Variants in FBXO24 observed in about 807,000 individuals in gnomAD.
FBXO24 encodes the protein F-box protein 24.
A neutral mutation model predicts 63.5 loss-of-function variants in FBXO24; 30 were observed. The ratio of observed to expected loss-of-function variants is 0.47; its 90% confidence interval spans 0.35 to 0.64. The LOEUF is 0.64. FBXO24 is among the 30% of genes least tolerant of loss of function. The probability of loss-of-function intolerance (pLI) is 0.00; values close to 1 mark genes in which losing one functional copy is unlikely to be tolerated. For synonymous variants in FBXO24, 300 were observed against 305.0 expected (o/e 0.98, Z 0.17); for missense variants, 624 against 763.4 (o/e 0.82, Z 2.15).
intron 3 of FBXO24, 29 bp downstream of exon 3, chr7:100,590,386 C>T (rs1801958070): frequency 6.3e-7 from 1 of 1,583,112 alleles, no homozygotes; most frequent in Non-Finnish European, 8.6e-7. Flanking sequence ...CTCCCGTTCT[C>T]CTTGCCTCTG....
At chr7:100,587,296 T>A (rs1484303629) in intron 1 of FBXO24, among the ~76,000 whole-genome samples, 2 of 151,988 alleles carry the variant, frequency 1.3e-5, no homozygotes, top group Non-Finnish European at 2.9e-5. Context: ...TCCGTTCCCT[T>A]CCTCTTTTTA....
chr7:100,601,007 G>T lies in FBXO24; in HGVS notation c.*108G>T, dbSNP rs576069239. On this transcript the variant is annotated 3_prime_UTR_variant, in exon 10 of 10. Coordinates refer to ENST00000241071, the MANE Select transcript of FBXO24 (RefSeq NM_033506.3). ...GCGTGTGGGAAGGGGTTGCTAGGGG[G>T]TGGGGACGGCTAACCAGGGTAAGAA... The T allele has an allele frequency of 1.5e-5, 22 of 1,472,450 alleles. No individual in the cohort carries two copies. The Admixed American group carries it at 3.3e-4, about 22-fold the overall frequency. 91.2% of individuals were successfully genotyped at this position (1,472,450 alleles called of 1,614,324 possible).
intron 1 of FBXO24, among the ~76,000 whole-genome samples, chr7:100,587,052 A>C (rs1801793844): frequency 6.6e-6 from 1 of 152,192 alleles, no homozygotes; most frequent in Non-Finnish European, 1.5e-5. Context: ...ACGGGGTTTT[A>C]GAGGCTTAGA....
rs1484821398 is a variant in FBXO24, at chr7:100,594,775, A to T, written c.952+234A>T. Among the ~76,000 whole-genome samples the T allele has an allele frequency of 1.3e-5, 2 of 152,134 alleles. No homozygotes were observed. The highest frequency in any genetic ancestry group is 2.9e-5 in the Non-Finnish European group (2 of 68,008). ...AGACCAGCCTGGCCAACATGGCGAA[A>T]CCCCATCTCTACTAAAATACAAAAA... On this transcript the variant is annotated intron_variant, in intron 6 of 9. Transcript: ENST00000241071. This position sits in a 1 kb window ranked among gnomAD's most constrained non-coding sequence, Gnocchi z 4.2.
chr7:100,593,720 C>A (rs1802148917), intron 5 of FBXO24, among the ~76,000 whole-genome samples: 1 of 150,718 alleles, frequency 6.6e-6, no homozygotes, highest in Admixed American at 6.6e-5. Flanking sequence ...TCGCTTGAAC[C>A]CAGGAGGTGG....
At position 100,592,892 on chromosome 7, in the gene FBXO24, G is replaced by T; in HGVS notation, c.668G>T (p.Cys223Phe). The T allele has an allele frequency of 6.2e-7, 1 of 1,614,234 alleles. No individual in the cohort carries two copies. The highest frequency in any genetic ancestry group is 1.3e-5 in the African/African-American group (1 of 75,058). Residue 223 changes from cysteine (C) to phenylalanine (F), a missense_variant, in exon 5 of 10, where the codon TGT (cysteine) becomes TTT (phenylalanine). Around this residue, in one of 3 missense-constraint regions of FBXO24, gnomAD observed 391 missense variants for 469.1 expected, o/e 0.83. Coordinates refer to ENST00000241071, the MANE Select transcript of FBXO24 (RefSeq NM_033506.3). ...ACCACCAGCAGCCGGGCCTGTGACT[G>T]TGTTGAGGTCTATCTGCAGTCTAGT... ...VGTTSSRACD[C>F]VEVYLQSSGQ...
In FBXO24 at chr7:100,600,905, C is replaced by A. The variant is rs1430687487; in HGVS notation, c.*6C>A. On this transcript the variant is annotated 3_prime_UTR_variant, in exon 10 of 10. Transcript: ENST00000241071. The surrounding 1 kb of genome is among the most constrained non-coding windows in gnomAD (Gnocchi z 6.3). Reference sequence around the variant, plus strand: ...CCCCAGCCCCTGAGACCTAATCCCCCTCATGCTAGCCTAGTCCCTGGAGGA... The same window carrying A: ...CCCCAGCCCCTGAGACCTAATCCCCATCATGCTAGCCTAGTCCCTGGAGGA... 2 of 1,609,974 alleles carry A rather than the reference C, an allele frequency of 1.2e-6. No homozygotes were observed. The highest frequency in any genetic ancestry group is 3.3e-5 in the Admixed American group (2 of 59,774).
intron 1 of FBXO24, 144 bp from the exon 2 acceptor site, chr7:100,589,812 AGGAGATCGGGAGGAGTTATTT>A: frequency 6.6e-7 from 1 of 1,516,208 alleles, no homozygotes; most frequent in Non-Finnish European, 8.9e-7. Flanking sequence ...GATTGGCCGC[AGGAGATCGGGAGGAGTTATTT>A]GGAGAAGTTA....
Position 100,600,839 on chromosome 7 carries a change from C to T in FBXO24, c.1683C>T (p.Asp561=). Residue 561 remains aspartate, a synonymous_variant, in exon 10 of 10, where the codon GAC becomes GAT. Transcript: ENST00000241071. The surrounding 1 kb of genome is among the most constrained non-coding windows in gnomAD (Gnocchi z 6.3). ...AQKDFFWEAL[D]MLQRAEGGGG... is the part of the protein sequence containing the mutation. ...AGGACTTCTTCTGGGAGGCCCTGGA[C>T]ATGCTGCAGAGGGCTGAAGGAGGCG... The T allele has an allele frequency of 6.2e-7, 1 of 1,614,090 alleles. No homozygotes were observed. The highest frequency in any genetic ancestry group is 8.5e-7 in the Non-Finnish European group (1 of 1,179,962).
chr7:100,592,413 A>C, intron 4 of FBXO24: 1 of 279,936 alleles, frequency 3.6e-6, no homozygotes, highest in Non-Finnish European at 6.9e-6. Flanking sequence ...GAGAGCACAC[A>C]AGCAAGAGCA....
chr7:100,600,225 G>A lies in FBXO24; in HGVS notation c.1377+24G>A, dbSNP rs762568683. ...AGGTCAGAGCGGGGTCAGGAGAGTG[G>A]GCACCCAGGGAGGATGAGAGCCATG... On this transcript the variant is annotated intron_variant, in intron 9 of 9. Transcript: ENST00000241071. The surrounding 1 kb of genome is among the most constrained non-coding windows in gnomAD (Gnocchi z 6.3). 1.3e-6 allele frequency: 2 copies of A among 1,501,886 alleles called. No individual in the cohort carries two copies. Among genetic ancestry groups the A allele is most frequent in the Non-Finnish European group, 1.8e-6 (2 of 1,120,166 alleles). The allele number at this position is 1,501,886 out of a possible 1,614,324, so 93.0% of individuals were successfully genotyped here. A position where few individuals can be genotyped will look rare whatever the true frequency, so the allele number is the denominator to read the frequency against.
intron 3 of FBXO24, 78 bp downstream of exon 3, chr7:100,590,435 G>A (rs1185141538): frequency 1.4e-6 from 2 of 1,447,286 alleles, no homozygotes; most frequent in East Asian, 2.3e-5. Context: ...GTCCCCTGAT[G>A]ACCCCCACAC....
rs994310971 is a variant in FBXO24, at chr7:100,591,831, G to A, written c.487G>A (p.Val163Ile). The change falls in exon 4 of 10, where the codon GTC becomes ATC. Residue 163 changes from valine (V) to isoleucine (I), a missense_variant. This residue lies in a region of FBXO24 where 391 missense variants were observed against 469.1 expected (regional missense o/e 0.83). Transcript: ENST00000241071. ...GTLFFLKNAL[V>I]STLGQMQWKR... Reference sequence around the variant, plus strand: ...CCTCTTCTTCCTCAAAAATGCCCTGGTCTCCACCCTCGGCCAGATGCAGTG... The same window carrying A: ...CCTCTTCTTCCTCAAAAATGCCCTGATCTCCACCCTCGGCCAGATGCAGTG... 1 of 1,614,092 alleles carries A rather than the reference G, an allele frequency of 6.2e-7. No individual in the cohort carries two copies. The highest frequency in any genetic ancestry group is 1.3e-5 in the African/African-American group (1 of 74,920).
rs376624298 is a variant in FBXO24, at chr7:100,591,779, C to T, written c.435C>T (p.His145=). 9.3e-6 allele frequency: 15 copies of T among 1,614,246 alleles called. No homozygotes were observed. Among genetic ancestry groups the T allele is most frequent in the South Asian group, 3.3e-5 (3 of 91,086 alleles). The change falls in exon 4 of 10, where the codon CAC becomes CAT. Residue 145 remains histidine (H), a synonymous_variant. Coordinates refer to ENST00000241071, the MANE Select transcript of FBXO24 (RefSeq NM_033506.3). ...GYRRFLPTKD[H]VFILDYVGTL... Reference sequence around the variant, plus strand: ...GCCGCTTCTTGCCCACCAAGGATCACGTCTTCATTCTTGACTACGTGGGGA... The same window carrying T: ...GCCGCTTCTTGCCCACCAAGGATCATGTCTTCATTCTTGACTACGTGGGGA...
chr7:100,592,087 C>A, intron 4 of FBXO24, 185 bp downstream of exon 4: 1 of 566,954 alleles, frequency 1.8e-6, no homozygotes, highest in Non-Finnish European at 3.1e-6. Context: ...TGGCGAAACC[C>A]GTCTCTACTA....
chr7:100,594,873 C>T lies in FBXO24; in HGVS notation c.953-229C>T, dbSNP rs1408963011. On this transcript the variant is annotated intron_variant, in intron 6 of 9. Transcript: ENST00000241071. The surrounding 1 kb of genome is among the most constrained non-coding windows in gnomAD (Gnocchi z 4.2). ...GCCGAGACAGGAGAATCACTTGAAC[C>T]AGGAGGTAGAGGTTGCAGTGAACTG... Among the ~76,000 whole-genome samples the T allele has an allele frequency of 6.6e-6, 1 of 152,146 alleles. No homozygotes were observed. The highest frequency in any genetic ancestry group is 6.6e-5 in the Admixed American group (1 of 15,262).
chr7:100,597,961 G>A (rs1232594153), intron 8 of FBXO24, among the ~76,000 whole-genome samples: 5 of 147,702 alleles, frequency 3.4e-5, no homozygotes, highest in Non-Finnish European at 5.9e-5. Context: ...ATGGCTTTAA[G>A]CAATCCTCCC....
intron 1 of FBXO24, 111 bp downstream of exon 1, chr7:100,586,775 T>C: frequency 1.6e-6 from 2 of 1,233,798 alleles, no homozygotes; most frequent in South Asian, 2.4e-5. Flanking sequence ...GTTAGGGGGC[T>C]AGCCGGCGTC....
chr7:100,594,398 A>C lies in FBXO24; in HGVS notation c.809A>C (p.Tyr270Ser). 6.2e-7 allele frequency: 1 copy of C among 1,611,068 alleles called. No individual in the cohort carries two copies. The highest frequency in any genetic ancestry group is 8.5e-7 in the Non-Finnish European group (1 of 1,178,864). The change falls in exon 6 of 10, where the codon TAC becomes TCC. Residue 270 changes from tyrosine (Y) to serine (S), a missense_variant. This residue lies in a region of FBXO24 where 391 missense variants were observed against 469.1 expected (regional missense o/e 0.83). Transcript: ENST00000241071. This position sits in a 1 kb window ranked among gnomAD's most constrained non-coding sequence, Gnocchi z 4.2. ...CTACCCCCAGAGGAAGGAAAGATCTACTCTTTGGTAGTGAATGAGACCCAG... is the reference window on the plus strand; with the variant it reads ...CTACCCCCAGAGGAAGGAAAGATCTCCTCTTTGGTAGTGAATGAGACCCAG... ...LLLLTEEGKIYSLVVNETQLD... is the reference protein window; with the variant it reads ...LLLLTEEGKISSLVVNETQLD...
Sources: allele counts gnomAD v4.1 joint callset (sites outside exome capture counted in the v4.1 genomes callset), GRCh38; gene constraint gnomAD v4.1.1; regional missense constraint gnomAD v4.1.1; non-coding constraint Gnocchi (gnomAD v3.1); transcripts MANE v1.5; gene names NCBI Gene and HGNC (gene_info 2026-07-23, HGNC 2026-07-21).